CRACD: variants seen among roughly 807,000 people sequenced by gnomAD.
CRACD encodes the protein capping protein-inhibiting regulator of actin dynamics.
CRACD carries 56 observed loss-of-function variants against 106.8 expected under a neutral mutation model. The observed-to-expected ratio is 0.52, with a 90% CI of 0.42 to 0.66. The LOEUF (loss-of-function observed/expected upper bound fraction) is 0.66, where lower values mean the gene tolerates loss of function less well. Ranked by LOEUF, CRACD falls within the 30% of genes least tolerant of loss-of-function variation. CRACD has a pLI of 0.00. For synonymous variants in CRACD, 754 were observed against 670.8 expected (o/e 1.12, Z -1.92); for missense variants, 1,730 against 1,623.2 (o/e 1.07, Z -1.13).
At chr4:56,261,188 C>A (rs1019611311) in intron 2 of CRACD, among the ~76,000 whole-genome samples, 8 of 152,246 alleles carry the variant, frequency 5.3e-5, no homozygotes, top group African/African-American at 1.9e-4. Context: ...CCAGTATTTT[C>A]CACCCAAAGT....
intron 1 of CRACD, among the ~76,000 whole-genome samples, chr4:56,133,860 G>A (rs957653741): frequency 6.6e-6 from 1 of 152,150 alleles, no homozygotes; most frequent in Non-Finnish European, 1.5e-5. Flanking sequence ...GCAAAGACTA[G>A]AAAATGATTA....
At chr4:56,050,883 T>C (rs1449741747) in intron 1 of CRACD, among the ~76,000 whole-genome samples, 4 of 152,208 alleles carry the variant, frequency 2.6e-5, no homozygotes, top group African/African-American at 9.7e-5. Context: ...GACTTAGCAG[T>C]ACTTACCGAC....
intron 1 of CRACD, among the ~76,000 whole-genome samples, chr4:56,084,906 T>A (rs1733162142): frequency 6.6e-6 from 1 of 152,190 alleles, no homozygotes; most frequent in African/African-American, 2.4e-5. Flanking sequence ...GTGATCGGAT[T>A]GCATATAAAG....
chr4:56,190,103 AATG>A lies in CRACD; in HGVS notation c.-189+10679_-189+10681del, dbSNP rs1281975482. ...TTTGTTCTTGCGATAGTTTGCTGAG[AATG>A]ATGATTTCCAATTTCATCCATGTCC... On this transcript the variant is annotated intron_variant, in intron 2 of 10. Transcript: ENST00000682029. 2.7e-4 allele frequency among the ~76,000 whole-genome samples: 41 copies of A among 150,978 alleles called. 1 individual carries two copies. Among genetic ancestry groups the A allele is most frequent in the African/African-American group, 9.3e-4 (38 of 41,036 alleles).
At chr4:56,318,510 A>C (rs1332790785) in intron 8 of CRACD, among the ~76,000 whole-genome samples, 1 of 152,138 alleles carries the variant, frequency 6.6e-6, no homozygotes, top group Non-Finnish European at 1.5e-5. Context: ...TGCCTTCTCC[A>C]AAGAAGTCAT....
At chr4:56,092,730 T>C (rs2109822137) in intron 1 of CRACD, among the ~76,000 whole-genome samples, 1 of 152,218 alleles carries the variant, frequency 6.6e-6, no homozygotes, top group East Asian at 1.9e-4. Context: ...GTCTTCCCGG[T>C]AGCTGAGACT....
intron 1 of CRACD, among the ~76,000 whole-genome samples, chr4:56,057,003 T>C (rs1232636952): frequency 6.6e-6 from 1 of 152,248 alleles, no homozygotes; most frequent in Non-Finnish European, 1.5e-5. Flanking sequence ...TTAATGTTGA[T>C]TACACGTTGA....
intron 1 of CRACD, among the ~76,000 whole-genome samples, chr4:56,082,255 G>A (rs1372368457): frequency 6.6e-6 from 1 of 152,158 alleles, no homozygotes; most frequent in Non-Finnish European, 1.5e-5. Flanking sequence ...GGTGGACCAT[G>A]CCCAGGGCCA....
At position 56,117,523 on chromosome 4, in the gene CRACD, G is replaced by C. The variant is rs564463694; in HGVS notation, c.-335-61761G>C. 3.4e-4 allele frequency among the ~76,000 whole-genome samples: 52 copies of C among 151,808 alleles called. 1 individual carries two copies. The highest frequency in any genetic ancestry group is 5.9e-4 in the Admixed American group (9 of 15,222). The stretch of plus-strand genomic sequence containing the variant: ...AATGGTGATTGCCAGAGGAGGGGGT[G>C]GGGGGAGGAAAATGGGGAGTTATTG... On this transcript the variant is annotated intron_variant, in intron 1 of 10. Coordinates refer to ENST00000682029, the MANE Select transcript of CRACD (RefSeq NM_001393381.1).
chr4:56,182,862 T>G (rs893295117), intron 2 of CRACD, among the ~76,000 whole-genome samples: 6 of 83,262 alleles, frequency 7.2e-5, no homozygotes, highest in Admixed American at 1.5e-4. Context: ...AAAAAAAAGA[T>G]ATGTGTGTGT....
chr4:56,191,634 G>A (rs1414355291), intron 2 of CRACD, among the ~76,000 whole-genome samples: 1 of 152,226 alleles, frequency 6.6e-6, no homozygotes, highest in Non-Finnish European at 1.5e-5. Context: ...TCTTTGGAGA[G>A]CCATTATTCT....
intron 2 of CRACD, among the ~76,000 whole-genome samples, chr4:56,264,739 C>T (rs962791956): frequency 3.9e-5 from 6 of 152,084 alleles, no homozygotes; most frequent in African/African-American, 1.2e-4. Context: ...GATAAATGTC[C>T]ATGAAATCTT....
At chr4:56,124,650 T>C (rs1289286498) in intron 1 of CRACD, among the ~76,000 whole-genome samples, 2 of 152,238 alleles carry the variant, frequency 1.3e-5, no homozygotes, top group Non-Finnish European at 2.9e-5. Flanking sequence ...GTTTCTTACA[T>C]TGCATTTGGT....
At chr4:56,224,047 A>G (rs1739177000) in intron 2 of CRACD, among the ~76,000 whole-genome samples, 1 of 152,194 alleles carries the variant, frequency 6.6e-6, no homozygotes, top group Non-Finnish European at 1.5e-5. Context: ...GTGCACCACC[A>G]GGCCTGGCCT....
Position 56,314,573 on chromosome 4 carries a change from G to C in CRACD, c.1071G>C (p.Glu357Asp), listed in dbSNP as rs112530577. ...AGGAGGAAGGAAGATGCGCGGAGGA[G>C]CTCAAAAGGCAGGAGGAGGAGGAGG... The part of the protein sequence containing the change: ...QEEEEGRCAE[E>D]LKRQEEEEAE... The change falls in exon 8 of 11, where the codon GAG becomes GAC. Residue 357 changes from glutamate to aspartate, a missense_variant. Physicochemically the swap from Glu to Asp is conservative, Grantham distance 45. Transcript: ENST00000682029. This position sits in a 1 kb window ranked among gnomAD's most constrained non-coding sequence, Gnocchi z 4.4. The C allele has an allele frequency of 3.0e-3, 4,574 of 1,516,566 alleles. 120 individuals carry two copies. The African/African-American group carries it at 0.055, about 18-fold the overall frequency. 93.9% of individuals were successfully genotyped at this position (1,516,566 alleles called of 1,614,324 possible). A position where few individuals can be genotyped will look rare whatever the true frequency, so the allele number is the denominator to read the frequency against.
intron 2 of CRACD, among the ~76,000 whole-genome samples, chr4:56,251,343 G>C (rs1229452916): frequency 2.6e-5 from 4 of 152,164 alleles, no homozygotes; most frequent in South Asian, 4.1e-4. Flanking sequence ...TGGCTTCACT[G>C]TCACTTCCAG....
chr4:56,225,962 C>T (rs1274282057), intron 2 of CRACD, among the ~76,000 whole-genome samples: 1 of 152,218 alleles, frequency 6.6e-6, no homozygotes, highest in Non-Finnish European at 1.5e-5. Flanking sequence ...TCCTGCTCTT[C>T]AACTTTCTCC....
chr4:56,115,355 CA>C (rs1402251272), intron 1 of CRACD, among the ~76,000 whole-genome samples: 1 of 152,090 alleles, frequency 6.6e-6, no homozygotes, highest in African/African-American at 2.4e-5. Flanking sequence ...GGCTTTTGGA[CA>C]AATCATCTTT....
At position 56,315,041 on chromosome 4, in the gene CRACD, T is replaced by G; in HGVS notation, c.1539T>G (p.Leu513=). Residue 513 remains leucine (L), a synonymous_variant, in exon 8 of 11, where the codon CTT becomes CTG. Transcript: ENST00000682029. The surrounding 1 kb of genome is among the most constrained non-coding windows in gnomAD (Gnocchi z 4.1). ...PPVERKEAAA[L]EQGRKVEELR... Reference sequence around the variant, plus strand: ...TGGAGAGGAAAGAAGCCGCCGCCCTTGAACAAGGCCGCAAGGTGGAGGAGC... The same window carrying G: ...TGGAGAGGAAAGAAGCCGCCGCCCTGGAACAAGGCCGCAAGGTGGAGGAGC... 6.2e-7 allele frequency: 1 copy of G among 1,604,306 alleles called. No homozygotes were observed. Among genetic ancestry groups the G allele is most frequent in the Non-Finnish European group, 8.5e-7 (1 of 1,176,642 alleles).
Sources: gnomAD v4.1 joint callset for allele counts (sites outside exome capture counted in the v4.1 genomes callset) on GRCh38, gnomAD v4.1.1 for gene constraint, Gnocchi (gnomAD v3.1) non-coding constraint, MANE v1.5 for transcripts, NCBI Gene and HGNC (gene_info 2026-07-23, HGNC 2026-07-21) for gene names.